Variants in GNAL observed in about 807,000 individuals in gnomAD.
GNAL encodes the protein guanine nucleotide-binding protein G(olf) subunit alpha.
Under a neutral mutation model 55.1 loss-of-function variants are expected in GNAL, and 18 were observed. That is an observed-to-expected ratio of 0.33 (90% CI 0.23 to 0.48). The LOEUF (loss-of-function observed/expected upper bound fraction) is 0.48. Among genes scored for constraint, GNAL ranks in the 20% least tolerant of loss-of-function variants. The pLI is 0.99. For missense variants in GNAL, 412 were observed against 614.1 expected, an observed-to-expected ratio of 0.67 and a Z score of 3.48; for synonymous variants, 253 against 237.0, an observed-to-expected ratio of 1.07 and a Z score of -0.62.
chr18:11,780,376 T>A (rs1418928507), intron 4 of GNAL, among the ~76,000 whole-genome samples: 2 of 148,414 alleles, frequency 1.3e-5, no homozygotes, highest in Non-Finnish European at 3.0e-5. Context: ...CTCTTATATT[T>A]AAAAAAAAAA....
chr18:11,786,436 C>CTTTTTTTTTTTTTTTTT (rs66803403), intron 4 of GNAL, among the ~76,000 whole-genome samples: 1 of 60,616 alleles, frequency 1.6e-5, no homozygotes, highest in Non-Finnish European at 2.8e-5. Flanking sequence ...CATACGTTTT[C>CTTTTTTTTTTTTTTTTT]TTTTTTTTTT....
chr18:11,832,421 C>A (rs1262999854), intron 5 of GNAL, among the ~76,000 whole-genome samples: 1 of 152,230 alleles, frequency 6.6e-6, no homozygotes, highest in Non-Finnish European at 1.5e-5. Flanking sequence ...CAGGAGTTTT[C>A]TTGACCCCAT....
chr18:11,759,888 G>T (rs150824712), intron 4 of GNAL, among the ~76,000 whole-genome samples: 353 of 152,206 alleles, frequency 2.3e-3, no homozygotes, highest in Non-Finnish European at 3.9e-3. Flanking sequence ...GTGGGTTTTC[G>T]TGTGTGTGTC....
intron 11 of GNAL, among the ~76,000 whole-genome samples, chr18:11,877,830 G>A (rs1567907165): frequency 6.6e-6 from 1 of 152,204 alleles, no homozygotes; most frequent in African/African-American, 2.4e-5. Flanking sequence ...ACAATGAGGA[G>A]AAATCAAGGC....
chr18:11,764,417 GTTC>G (rs1199245579), intron 4 of GNAL, among the ~76,000 whole-genome samples: 1 of 152,168 alleles, frequency 6.6e-6, no homozygotes, highest in Non-Finnish European at 1.5e-5. Context: ...CAAATATCCT[GTTC>G]TTATCAAAAC....
At chr18:11,785,913 A>G (rs540567074) in intron 4 of GNAL, among the ~76,000 whole-genome samples, 1 of 152,312 alleles carries the variant, frequency 6.6e-6, no homozygotes, top group South Asian at 2.1e-4. Context: ...AGACATTTGA[A>G]TTCCTCTTGC....
At chr18:11,741,014 G>A (rs1274254524) in intron 1 of GNAL, among the ~76,000 whole-genome samples, 1 of 152,164 alleles carries the variant, frequency 6.6e-6, no homozygotes, top group Admixed American at 6.5e-5. Flanking sequence ...TCTATTACAA[G>A]GAATACTGTT....
intron 1 of GNAL, among the ~76,000 whole-genome samples, chr18:11,717,101 A>G (rs1432902970): frequency 6.6e-6 from 1 of 152,242 alleles, no homozygotes; most frequent in Non-Finnish European, 1.5e-5. Flanking sequence ...GCGGGAAGGC[A>G]GCTAAGGCCC....
chr18:11,722,952 A>T (rs758479273), intron 1 of GNAL, among the ~76,000 whole-genome samples: 1 of 150,178 alleles, frequency 6.7e-6, no homozygotes, highest in Admixed American at 6.7e-5. Flanking sequence ...CGGAGGTTGC[A>T]GTGAGCCAAG....
intron 4 of GNAL, among the ~76,000 whole-genome samples, chr18:11,824,117 T>G (rs1367624081): frequency 6.6e-6 from 1 of 152,168 alleles, no homozygotes; most frequent in African/African-American, 2.4e-5. Flanking sequence ...AGTTCCTTTT[T>G]TATGTACCTA....
intron 7 of GNAL, among the ~76,000 whole-genome samples, chr18:11,865,448 A>G (rs2036241122): frequency 6.7e-6 from 1 of 148,710 alleles, no homozygotes; most frequent in Non-Finnish European, 1.5e-5. Flanking sequence ...AACCCCACAA[A>G]TCTATCAAAG....
Position 11,730,334 on chromosome 18 carries a change from G to A in GNAL, c.377-22519G>A, listed in dbSNP as rs927187341. Among the ~76,000 whole-genome samples the A allele has an allele frequency of 2.0e-5, 3 of 151,830 alleles. No homozygotes were observed. In the South Asian group the frequency reaches 6.2e-4, roughly 32 times the overall value. On this transcript the variant is annotated intron_variant, in intron 1 of 11. Transcript: ENST00000334049. ...GCACCACGCCCAGCTAATTTTTGTA[G>A]TTTTAGTAGAGATGGGGGTTTCCCC...
intron 5 of GNAL, among the ~76,000 whole-genome samples, chr18:11,858,667 A>G (rs2036063142): frequency 6.6e-6 from 1 of 152,230 alleles, no homozygotes; most frequent in South Asian, 2.1e-4. Context: ...AAGTCTTTCA[A>G]AGAATTGGGG....
chr18:11,720,928 A>G (rs74891257), intron 1 of GNAL, among the ~76,000 whole-genome samples: 1,977 of 152,310 alleles, frequency 0.013, 40 homozygotes, highest in African/African-American at 0.045. Flanking sequence ...TTGCAATATA[A>G]GATTTGCATA....
In GNAL at chr18:11,816,176, T is replaced by G. The variant is rs556640619; in HGVS notation, c.625-8742T>G. On this transcript the variant is annotated intron_variant, in intron 4 of 11. Coordinates refer to ENST00000334049, the MANE Select transcript of GNAL (RefSeq NM_182978.4). ...AAGACTTTTACACAAATAGTCCTAG[T>G]AGCACTATTCACAATAGTCAAAAAC... Among the ~76,000 whole-genome samples the G allele has an allele frequency of 3.3e-5, 5 of 152,342 alleles. No individual in the cohort carries two copies. In the East Asian group the frequency reaches 7.7e-4, roughly 23 times the overall value.
At chr18:11,762,525 T>TGG (rs1272002412) in intron 4 of GNAL, among the ~76,000 whole-genome samples, 1 of 152,198 alleles carries the variant, frequency 6.6e-6, no homozygotes, top group Non-Finnish European at 1.5e-5. Context: ...CCCATGCAGC[T>TGG]GGCGTCACAC....
intron 1 of GNAL, among the ~76,000 whole-genome samples, chr18:11,694,491 G>A (rs1240445279): frequency 6.6e-6 from 1 of 152,186 alleles, no homozygotes; most frequent in Non-Finnish European, 1.5e-5. Flanking sequence ...GATGGAGCAT[G>A]GTTGAAGCAT....
chr18:11,782,939 G>A (rs1280349089), intron 4 of GNAL, among the ~76,000 whole-genome samples: 1 of 152,198 alleles, frequency 6.6e-6, no homozygotes, highest in Non-Finnish European at 1.5e-5. Context: ...TATGATAGGT[G>A]ACAATGCTTC....
intron 7 of GNAL, among the ~76,000 whole-genome samples, chr18:11,866,289 C>T (rs1453461868): frequency 6.7e-6 from 1 of 150,230 alleles, no homozygotes; most frequent in Non-Finnish European, 1.5e-5. Context: ...TAATGTAAAG[C>T]GTACGGATTA....
Sources: gnomAD v4.1 joint callset for allele counts (sites outside exome capture counted in the v4.1 genomes callset) on GRCh38, gnomAD v4.1.1 for gene constraint, MANE v1.5 for transcripts, NCBI Gene and HGNC (gene_info 2026-07-23, HGNC 2026-07-21) for gene names.